AHCYL2: variants seen among roughly 807,000 people sequenced by gnomAD.
The protein encoded by AHCYL2 is S-adenosylhomocysteine hydrolase-like protein 2.
In AHCYL2, 28 loss-of-function variants were observed where a neutral mutation model predicts 81.4. The ratio of observed to expected loss-of-function variants is 0.34; its 90% CI spans 0.25 to 0.47. AHCYL2 has a LOEUF of 0.47. AHCYL2 is among the 20% of genes least tolerant of loss of function. The pLI is 1.00. For missense variants in AHCYL2, 551 were observed against 785.1 expected, an observed-to-expected ratio of 0.70 and a Z score of 3.56; for synonymous variants, 272 against 290.2, an observed-to-expected ratio of 0.94 and a Z score of 0.64.
At chr7:129,228,428 C>T (rs569692683) in intron 1 of AHCYL2, among the ~76,000 whole-genome samples, 1 of 152,312 alleles carries the variant, frequency 6.6e-6, no homozygotes, top group Admixed American at 6.5e-5. Flanking sequence ...TGCCTCCGTC[C>T]TGTAACTTGC....
At chr7:129,341,397 G>A (rs1395560346) in intron 1 of AHCYL2, among the ~76,000 whole-genome samples, 2 of 152,186 alleles carry the variant, frequency 1.3e-5, no homozygotes, top group East Asian at 3.9e-4. Context: ...TAAGGGAAGT[G>A]GTTGGGGGAC....
chr7:129,403,367 TTAC>T lies in AHCYL2; in HGVS notation c.919-9_919-7del. 1 of 1,575,524 alleles carries T rather than the reference TTAC, an allele frequency of 6.3e-7. No individual in the cohort carries two copies. Among genetic ancestry groups the T allele is most frequent in the Non-Finnish European group, 8.7e-7 (1 of 1,153,534 alleles). ...GCAAAGTGAATGATGTTATTGATGC[TTAC>T]TATTGCAGATCTTGGATGATGGAGG... On this transcript the variant is annotated splice_polypyrimidine_tract_variant and intron_variant, in intron 6 of 16. Coordinates refer to ENST00000325006, the MANE Select transcript of AHCYL2 (RefSeq NM_015328.4).
chr7:129,401,303 C>G (rs1014259743), intron 6 of AHCYL2, among the ~76,000 whole-genome samples: 20 of 151,988 alleles, frequency 1.3e-4, no homozygotes, highest in African/African-American at 4.8e-4. Context: ...GCAGTCCAGC[C>G]TGGGTGAGAG....
At chr7:129,407,657 T>G (rs1442209001) in intron 10 of AHCYL2, among the ~76,000 whole-genome samples, 7 of 152,212 alleles carry the variant, frequency 4.6e-5, no homozygotes, top group Admixed American at 4.6e-4. Context: ...GATTATCCTG[T>G]AGACACGAAT....
At position 129,361,506 on chromosome 7, in the gene AHCYL2, A is replaced by T. The variant is rs1467181547; in HGVS notation, c.364-18132A>T. 1.3e-5 allele frequency among the ~76,000 whole-genome samples: 2 copies of T among 152,340 alleles called. 1 individual carries two copies. The highest frequency in any genetic ancestry group is 4.1e-4 in the South Asian group (2 of 4,824). ...ACTTGGCACATGGTAGGCACCCAGT[A>T]AATATTTGTGATTTGATTAAATGAA... On this transcript the variant is annotated intron_variant, in intron 1 of 16. Coordinates refer to ENST00000325006, the MANE Select transcript of AHCYL2 (RefSeq NM_015328.4).
chr7:129,281,115 G>A (rs1194394284), intron 1 of AHCYL2, among the ~76,000 whole-genome samples: 2 of 152,044 alleles, frequency 1.3e-5, no homozygotes, highest in East Asian at 3.9e-4. Context: ...TGCCCACCTT[G>A]GCCTCCCAAA....
chr7:129,413,638 A>C lies in AHCYL2; in HGVS notation c.1411A>C (p.Asn471His). The C allele has an allele frequency of 6.2e-7, 1 of 1,614,200 alleles. No homozygotes were observed. Among genetic ancestry groups the C allele is most frequent in the Non-Finnish European group, 8.5e-7 (1 of 1,180,044 alleles). Residue 471 changes from asparagine (N) to histidine (H), a missense_variant, in exon 12 of 17, where the codon AAT (asparagine) becomes CAT (histidine). By Grantham distance (68) the Asn-to-His change is moderately conservative. Around this residue, in one of 2 missense-constraint regions of AHCYL2, gnomAD observed 316 missense variants for 543.1 expected, o/e 0.58. Coordinates refer to ENST00000325006, the MANE Select transcript of AHCYL2 (RefSeq NM_015328.4). ...VTREHLDRMK[N>H]SCIVCNMGHS... ...CAGAGAGCACTTGGACCGTATGAAGAATAGCTGCATCGTTTGTAACATGGG... is the reference window on the plus strand; with the variant it reads ...CAGAGAGCACTTGGACCGTATGAAGCATAGCTGCATCGTTTGTAACATGGG...
intron 1 of AHCYL2, among the ~76,000 whole-genome samples, chr7:129,231,229 A>C (rs1794426054): frequency 6.6e-6 from 1 of 151,122 alleles, no homozygotes; most frequent in Non-Finnish European, 1.5e-5. Context: ...ACAGAATGAG[A>C]CTCTGTCTCA....
At chr7:129,398,861 CACAA>C (rs1477112359) in intron 5 of AHCYL2, among the ~76,000 whole-genome samples, 2 of 151,956 alleles carry the variant, frequency 1.3e-5, no homozygotes, top group African/African-American at 4.8e-5. Flanking sequence ...ATATTCACTA[CACAA>C]ACAAGAGGCT....
rs192658192 is a variant in AHCYL2 at position 129,295,779 on chromosome 7, G to C, written c.363+70340G>C. ...CTACAGGCATCCTCAGAGGGTTAATGCATGCTCTTAGTAGAACTCAAATGT... is the reference window on the plus strand; with the variant it reads ...CTACAGGCATCCTCAGAGGGTTAATCCATGCTCTTAGTAGAACTCAAATGT... On this transcript the variant is annotated intron_variant, in intron 1 of 16. Transcript: ENST00000325006. 3.5e-3 allele frequency among the ~76,000 whole-genome samples: 529 copies of C among 152,302 alleles called. 3 individuals carry two copies. The highest frequency in any genetic ancestry group is 0.013 in the South Asian group (64 of 4,830).
At chr7:129,366,494 A>G (rs1055860051) in intron 1 of AHCYL2, among the ~76,000 whole-genome samples, 13 of 152,182 alleles carry the variant, frequency 8.5e-5, no homozygotes, top group African/African-American at 2.4e-4. Flanking sequence ...GTATTTTGCC[A>G]AGGTTGGCCA....
chr7:129,363,738 A>G (rs1584826643), intron 1 of AHCYL2, among the ~76,000 whole-genome samples: 2 of 152,088 alleles, frequency 1.3e-5, no homozygotes, highest in Middle Eastern at 3.4e-3. Context: ...GGGTTTCACC[A>G]TGTTGGCCAG....
intron 1 of AHCYL2, among the ~76,000 whole-genome samples, chr7:129,358,623 T>C (rs2150839812): frequency 6.6e-6 from 1 of 152,254 alleles, no homozygotes; most frequent in African/African-American, 2.4e-5. Context: ...GTTTAATGGG[T>C]ATAGAGTTGC....
intron 15 of AHCYL2, among the ~76,000 whole-genome samples, chr7:129,425,822 T>TC (rs1797338969): frequency 6.6e-6 from 1 of 152,200 alleles, no homozygotes; most frequent in Non-Finnish European, 1.5e-5. Flanking sequence ...TAGTAGACAC[T>TC]TTAGAAGGAT....
At chr7:129,226,748 G>T (rs1170150196) in intron 1 of AHCYL2, among the ~76,000 whole-genome samples, 1 of 152,180 alleles carries the variant, frequency 6.6e-6, no homozygotes, top group Non-Finnish European at 1.5e-5. Context: ...GTCGTTTGTA[G>T]TATGAAACTC....
At chr7:129,294,825 C>A (rs1454469901) in intron 1 of AHCYL2, among the ~76,000 whole-genome samples, 1 of 152,180 alleles carries the variant, frequency 6.6e-6, no homozygotes, top group Non-Finnish European at 1.5e-5. Context: ...AACGTGTACC[C>A]TGGATAAGTC....
intron 1 of AHCYL2, chr7:129,377,761 C>A: frequency 2.7e-6 from 1 of 371,332 alleles, no homozygotes; most frequent in Non-Finnish European, 5.3e-6. Context: ...TTTTTTTCCC[C>A]AAACAAGTAT....
intron 1 of AHCYL2, among the ~76,000 whole-genome samples, chr7:129,300,520 C>T (rs1797223356): frequency 6.6e-6 from 1 of 151,962 alleles, no homozygotes; most frequent in South Asian, 2.1e-4. Context: ...TTATATGTAC[C>T]ACATTTAAAA....
At chr7:129,335,450 T>C (rs182866174) in intron 1 of AHCYL2, among the ~76,000 whole-genome samples, 1 of 152,230 alleles carries the variant, frequency 6.6e-6, no homozygotes, top group East Asian at 1.9e-4. Flanking sequence ...AAATACCTAT[T>C]ACAGTTAGTG....
Sources: allele counts gnomAD v4.1 joint callset (sites outside exome capture counted in the v4.1 genomes callset), GRCh38; gene constraint gnomAD v4.1.1; regional missense constraint gnomAD v4.1.1; transcripts MANE v1.5; gene names NCBI Gene and HGNC (gene_info 2026-07-23, HGNC 2026-07-21).